Variants in FGF12 observed in about 807,000 individuals in gnomAD.
FGF12 encodes the protein fibroblast growth factor 12.
A neutral mutation model predicts 23.6 loss-of-function variants in FGF12; 14 were observed. The ratio of observed to expected loss-of-function variants is 0.59; its 90% CI spans 0.39 to 0.93. FGF12 has a LOEUF of 0.93. Ranked by LOEUF, FGF12 falls within the 40% of genes least tolerant of loss-of-function variation. The pLI, the probability that FGF12 is intolerant of heterozygous loss-of-function variation, is 0.00. For synonymous variants in FGF12, 62 were observed against 77.3 expected (o/e 0.80, Z 1.04); for missense variants, 175 against 217.8 (o/e 0.80, Z 1.24).
At chr3:192,520,007 G>A (rs1724777031) in intron 2 of FGF12, among the ~76,000 whole-genome samples, 1 of 152,102 alleles carries the variant, frequency 6.6e-6, no homozygotes, top group Admixed American at 6.5e-5. Flanking sequence ...CCCTAGCCCT[G>A]GATTCAAATG....
intron 2 of FGF12, among the ~76,000 whole-genome samples, chr3:192,467,273 G>C (rs139411381): frequency 2.6e-5 from 4 of 152,294 alleles, no homozygotes; most frequent in African/African-American, 9.6e-5. Flanking sequence ...GTAGCACAAG[G>C]CAGTTCACTC....
At chr3:192,427,022 T>C (rs1040744907) in intron 2 of FGF12, among the ~76,000 whole-genome samples, 2 of 152,208 alleles carry the variant, frequency 1.3e-5, no homozygotes, top group Admixed American at 6.5e-5. Flanking sequence ...GCACGCAGTA[T>C]GTGCTGAATA....
intron 2 of FGF12, among the ~76,000 whole-genome samples, chr3:192,708,849 C>T (rs1398038290): frequency 6.6e-6 from 1 of 152,122 alleles, no homozygotes; most frequent in Non-Finnish European, 1.5e-5. Flanking sequence ...ATATCACTTG[C>T]AAGATGTATT....
chr3:192,395,947 G>T (rs1720499958), intron 2 of FGF12, among the ~76,000 whole-genome samples: 1 of 152,192 alleles, frequency 6.6e-6, no homozygotes, highest in Non-Finnish European at 1.5e-5. Flanking sequence ...TGCAGTAAAT[G>T]TTCTATGAAT....
At chr3:192,401,157 A>G (rs529444627) in intron 2 of FGF12, among the ~76,000 whole-genome samples, 2 of 152,368 alleles carry the variant, frequency 1.3e-5, no homozygotes, top group East Asian at 3.9e-4. Context: ...CAAAACAAAC[A>G]AAAAGGAATT....
intron 5 of FGF12, among the ~76,000 whole-genome samples, chr3:192,149,218 G>A (rs745308422): frequency 2.0e-5 from 3 of 152,142 alleles, no homozygotes; most frequent in Non-Finnish European, 4.4e-5. Context: ...CTAGGTTTAC[G>A]TGATATGGAT....
chr3:192,540,342 A>T (rs9817558), intron 2 of FGF12, among the ~76,000 whole-genome samples: 41,227 of 151,736 alleles, frequency 0.27, 5,868 homozygotes, highest in Middle Eastern at 0.45. Context: ...TCGTGTCTCC[A>T]TTATCATTTG....
At chr3:192,655,528 C>A (rs904836906) in intron 2 of FGF12, among the ~76,000 whole-genome samples, 5 of 152,116 alleles carry the variant, frequency 3.3e-5, no homozygotes, top group Non-Finnish European at 7.4e-5. Flanking sequence ...ACCATACCAG[C>A]CTCTTGACTT....
chr3:192,402,090 A>G (rs536454555), intron 2 of FGF12, among the ~76,000 whole-genome samples: 4 of 152,386 alleles, frequency 2.6e-5, no homozygotes, highest in Non-Finnish European at 5.9e-5. Flanking sequence ...CCAGGTACTT[A>G]ATCATTCTGC....
intron 2 of FGF12, among the ~76,000 whole-genome samples, chr3:192,595,948 C>G (rs1190739093): frequency 6.6e-6 from 1 of 151,676 alleles, no homozygotes. Context: ...TAAAAATTAG[C>G]TAGGTATGGT....
chr3:192,319,727 A>T (rs955465292), intron 4 of FGF12, among the ~76,000 whole-genome samples: 11 of 152,200 alleles, frequency 7.2e-5, no homozygotes, highest in Non-Finnish European at 1.5e-4. Context: ...AGTTTTTATT[A>T]GTTGTCTCTT....
chr3:192,663,327 C>G (rs1337585892), intron 2 of FGF12, among the ~76,000 whole-genome samples: 2 of 152,190 alleles, frequency 1.3e-5, no homozygotes, highest in African/African-American at 4.8e-5. Context: ...CAATAGTACT[C>G]TCTTCGCAGA....
chr3:192,656,280 GACACACAC>G (rs61645270), intron 2 of FGF12, among the ~76,000 whole-genome samples: 3,490 of 110,486 alleles, frequency 0.032, 130 homozygotes, highest in African/African-American at 0.1. Flanking sequence ...AAGGTGAAAA[GACACACAC>G]ACACACACAC....
At chr3:192,390,352 T>G (rs1366099961) in intron 2 of FGF12, among the ~76,000 whole-genome samples, 2 of 152,214 alleles carry the variant, frequency 1.3e-5, no homozygotes, top group Non-Finnish European at 2.9e-5. Flanking sequence ...TTGAAAGAGA[T>G]AAGATCTCAC....
At position 192,657,571 on chromosome 3, in the gene FGF12, T is replaced by C. The variant is rs2108681452; in HGVS notation, c.13+69610A>G. Among the ~76,000 whole-genome samples, 5 of 152,320 alleles carry C rather than the reference T, an allele frequency of 3.3e-5. No homozygotes were observed. In the South Asian group the frequency reaches 1.0e-3, roughly 32 times the overall value. On this transcript the variant is annotated intron_variant, in intron 2 of 5. Coordinates refer to ENST00000445105, the MANE Select transcript of FGF12 (RefSeq NM_004113.6). ...ATCAATTTTATCTGCACCAAATTCC[T>C]TTTGGCTTTATTTCTTGGTTTACAA...
chr3:192,359,189 G>C (rs1718611530), intron 3 of FGF12, among the ~76,000 whole-genome samples: 1 of 152,098 alleles, frequency 6.6e-6, no homozygotes, highest in South Asian at 2.1e-4. Flanking sequence ...CAAGAAAACT[G>C]AAATGAAATT....
intron 4 of FGF12, among the ~76,000 whole-genome samples, chr3:192,322,585 G>A (rs553377780): frequency 1.4e-3 from 212 of 152,002 alleles, no homozygotes; most frequent in Middle Eastern, 6.8e-3. Context: ...CGCATTACCT[G>A]ACTTCAAATT....
intron 2 of FGF12, among the ~76,000 whole-genome samples, chr3:192,686,985 C>A (rs1341754934): frequency 6.6e-6 from 1 of 151,054 alleles, no homozygotes; most frequent in Non-Finnish European, 1.5e-5. Context: ...CCCGCCACCA[C>A]AACTGGATAA....
At chr3:192,381,081 G>A (rs918569524) in intron 2 of FGF12, among the ~76,000 whole-genome samples, 1 of 151,812 alleles carries the variant, frequency 6.6e-6, no homozygotes, top group Non-Finnish European at 1.5e-5. Flanking sequence ...TGTGTATTTT[G>A]CAATCACAGT....
Sources: allele counts gnomAD v4.1 joint callset (sites outside exome capture counted in the v4.1 genomes callset), GRCh38; gene constraint gnomAD v4.1.1; transcripts MANE v1.5; gene names NCBI Gene and HGNC (gene_info 2026-07-23, HGNC 2026-07-21).